Variants in GPR158 observed in about 807,000 individuals in gnomAD.
The protein encoded by GPR158 is G protein-coupled receptor 158.
A neutral mutation model predicts 78.2 loss-of-function variants in GPR158; 30 were observed. The observed-to-expected ratio is 0.38, with a 90% CI of 0.29 to 0.52. GPR158 has a LOEUF of 0.52. Among genes scored for constraint, GPR158 ranks in the 20% least tolerant of loss-of-function variants. The pLI is 0.83. For missense variants in GPR158, 1,463 were observed against 1,523.5 expected, an observed-to-expected ratio of 0.96 and a Z score of 0.66; for synonymous variants, 581 against 591.1, an observed-to-expected ratio of 0.98 and a Z score of 0.25.
In GPR158 at chr10:25,176,248, T is replaced by G; in HGVS notation, c.828T>G (p.Ser276Arg). The G allele has an allele frequency of 6.2e-7, 1 of 1,608,948 alleles. No individual in the cohort carries two copies. Among genetic ancestry groups the G allele is most frequent in the Non-Finnish European group, 8.5e-7 (1 of 1,178,526 alleles). ...SPPYLECENG[S>R]YKPGWLVTLS... ...CTTATCTGGAGTGCGAGAACGGGAG[T>G]TACAAGCCCGGGTGGCTGGTTACTC... The change falls in exon 1 of 11, where the codon AGT becomes AGG. Residue 276 changes from serine (S) to arginine (R), a missense_variant. Ser to Arg is a moderately radical substitution (Grantham distance 110, BLOSUM62 -1). Coordinates refer to ENST00000376351, the MANE Select transcript of GPR158 (RefSeq NM_020752.3). This position sits in a 1 kb window ranked among gnomAD's most constrained non-coding sequence, Gnocchi z 6.3.
At position 25,241,331 on chromosome 10, in the gene GPR158, C is replaced by CTTCTCTTCTCTTCTCTTCTCTT. The variant is rs774956418; in HGVS notation, c.1008+20181_1008+20182insCTCTTCTCTTCTCTTTTCTCTT. On this transcript the variant is annotated intron_variant, in intron 2 of 10. Transcript: ENST00000376351. ...TTTCTTTTCTCTTCTCTTCTCTTCT[C>CTTCTCTTCTCTTCTCTTCTCTT]TTCTCTTTTCTCTTTTCTCTTTTCT... 1.0e-3 allele frequency among the ~76,000 whole-genome samples: 126 copies of CTTCTCTTCTCTTCTCTTCTCTT among 123,822 alleles called. 7 individuals are homozygous for CTTCTCTTCTCTTCTCTTCTCTT. Among genetic ancestry groups the CTTCTCTTCTCTTCTCTTCTCTT allele is most frequent in the East Asian group, 9.7e-3 (42 of 4,314 alleles). 81.2% of individuals were successfully genotyped at this position (123,822 alleles called of 152,430 possible).
chr10:25,329,353 T>C (rs1436255126), intron 2 of GPR158, among the ~76,000 whole-genome samples: 1 of 150,950 alleles, frequency 6.6e-6, no homozygotes, highest in Non-Finnish European at 1.5e-5. Context: ...GGCAGGAGAA[T>C]GGCACGAACC....
intron 6 of GPR158, among the ~76,000 whole-genome samples, chr10:25,566,509 T>C (rs1836931278): frequency 6.6e-6 from 1 of 152,116 alleles, no homozygotes; most frequent in African/African-American, 2.4e-5. Flanking sequence ...CCTTCCTTTT[T>C]TCATTATTCT....
intron 5 of GPR158, among the ~76,000 whole-genome samples, chr10:25,530,986 G>A (rs1836415715): frequency 6.6e-6 from 1 of 152,092 alleles, no homozygotes; most frequent in African/African-American, 2.4e-5. Flanking sequence ...AGCTTATTCT[G>A]TCCTAAGTGG....
chr10:25,460,234 C>A (rs1191007913), intron 4 of GPR158, among the ~76,000 whole-genome samples: 3 of 149,700 alleles, frequency 2.0e-5, no homozygotes. Flanking sequence ...TGGAGTCTTG[C>A]TCTGTTGCCA....
intron 5 of GPR158, among the ~76,000 whole-genome samples, chr10:25,488,423 A>G (rs1053014164): frequency 2.0e-5 from 3 of 152,178 alleles, no homozygotes; most frequent in Admixed American, 2.0e-4. Flanking sequence ...TCTCTGCTAT[A>G]CATGTGGCTT....
At chr10:25,417,117 G>T (rs1182463132) in intron 4 of GPR158, among the ~76,000 whole-genome samples, 1 of 152,114 alleles carries the variant, frequency 6.6e-6, no homozygotes, top group Non-Finnish European at 1.5e-5. Context: ...CCAAGTCTTG[G>T]AAGAAATTTC....
chr10:25,332,508 A>G (rs186451431), intron 2 of GPR158, among the ~76,000 whole-genome samples: 22 of 152,282 alleles, frequency 1.4e-4, no homozygotes, highest in Admixed American at 1.2e-3. Flanking sequence ...GACATAGAAC[A>G]TGGCACACAA....
chr10:25,282,137 C>A lies in GPR158; in HGVS notation c.1008+60980C>A, dbSNP rs771139599. On this transcript the variant is annotated intron_variant, in intron 2 of 10. Coordinates refer to ENST00000376351, the MANE Select transcript of GPR158 (RefSeq NM_020752.3). ...ATGCCCCTTTAAAATCATCCACTAG[C>A]CCTCACCCTAGACCCCTGGTAACCA... 2.6e-5 allele frequency among the ~76,000 whole-genome samples: 4 copies of A among 152,280 alleles called. No individual in the cohort carries two copies. The South Asian group carries it at 8.3e-4, about 32-fold the overall frequency.
At chr10:25,482,078 G>A (rs868809270) in intron 5 of GPR158, among the ~76,000 whole-genome samples, 2 of 151,992 alleles carry the variant, frequency 1.3e-5, no homozygotes, top group Non-Finnish European at 2.9e-5. Flanking sequence ...TGCCACACAG[G>A]TACATCAACA....
intron 2 of GPR158, among the ~76,000 whole-genome samples, chr10:25,249,249 A>G (rs895238334): frequency 7.2e-5 from 11 of 152,128 alleles, no homozygotes; most frequent in Non-Finnish European, 1.6e-4. Context: ...CAATCATGTC[A>G]TCTGCAAACA....
chr10:25,466,360 T>C (rs559957556), intron 4 of GPR158: 67 of 276,782 alleles, frequency 2.4e-4, no homozygotes, highest in Non-Finnish European at 4.2e-4. Flanking sequence ...GTCTCAAAAG[T>C]ATCTTCAAGA....
chr10:25,336,412 T>G (rs2130499183), intron 2 of GPR158, among the ~76,000 whole-genome samples: 1 of 152,188 alleles, frequency 6.6e-6, no homozygotes, highest in African/African-American at 2.4e-5. Context: ...GTTGCCTCTC[T>G]GACAACCATC....
rs141229559 is a variant in GPR158, at chr10:25,503,641, C to T, written c.1404+36922C>T. The stretch of plus-strand genomic sequence containing the variant: ...TCCCTGGAATGTATTAAACTCTGCA[C>T]AAATAGGCATGCTGTGATCTCAGGT... On this transcript the variant is annotated intron_variant, in intron 5 of 10. Coordinates refer to ENST00000376351, the MANE Select transcript of GPR158 (RefSeq NM_020752.3). Among the ~76,000 whole-genome samples the T allele has an allele frequency of 1.5e-4, 23 of 152,228 alleles. No individual in the cohort carries two copies. The East Asian group carries it at 4.5e-3, about 30-fold the overall frequency.
intron 6 of GPR158, among the ~76,000 whole-genome samples, chr10:25,569,200 C>A (rs1836970898): frequency 6.6e-6 from 1 of 152,114 alleles, no homozygotes; most frequent in Non-Finnish European, 1.5e-5. Context: ...AGGGATCTGA[C>A]AATCTTGAAT....
chr10:25,229,000 A>G (rs1853413422), intron 2 of GPR158, among the ~76,000 whole-genome samples: 1 of 148,920 alleles, frequency 6.7e-6, no homozygotes, highest in South Asian at 2.1e-4. Context: ...GTGCCACTGC[A>G]CTCCAGCCTG....
At chr10:25,395,321 C>A (rs1834351102) in intron 2 of GPR158, among the ~76,000 whole-genome samples, 2 of 152,168 alleles carry the variant, frequency 1.3e-5, no homozygotes, top group South Asian at 4.1e-4. Flanking sequence ...TTTAGGTAAA[C>A]AGCCCTGGAA....
intron 2 of GPR158, among the ~76,000 whole-genome samples, chr10:25,376,532 G>T (rs1393422655): frequency 6.6e-6 from 1 of 151,572 alleles, no homozygotes. Context: ...AATTGTCAGT[G>T]ATTTAAACCA....
intron 5 of GPR158, among the ~76,000 whole-genome samples, chr10:25,471,529 A>G (rs1031963189): frequency 4.6e-5 from 7 of 152,166 alleles, no homozygotes; most frequent in Non-Finnish European, 8.8e-5. Flanking sequence ...TCCTTGAGGA[A>G]TCGCCACACT....
Sources: allele counts gnomAD v4.1 joint callset (sites outside exome capture counted in the v4.1 genomes callset), GRCh38; gene constraint gnomAD v4.1.1; non-coding constraint Gnocchi (gnomAD v3.1); transcripts MANE v1.5; gene names NCBI Gene and HGNC (gene_info 2026-07-23, HGNC 2026-07-21).